The following CLASP1 variants were observed in gnomAD, a reference collection of about 807,000 sequenced individuals.
CLASP1 encodes the protein CLIP-associating protein 1.
A neutral mutation model predicts 192.3 loss-of-function variants in CLASP1; 38 were observed. That is an observed-to-expected ratio of 0.20 (90% CI 0.15 to 0.26). CLASP1 has a LOEUF of 0.26. CLASP1 is among the 10% of genes least tolerant of loss of function. The pLI is 1.00. For synonymous variants in CLASP1, 691 were observed against 712.8 expected (o/e 0.97, Z 0.49); for missense variants, 1,433 against 1,932.5 (o/e 0.74, Z 4.85).
At chr2:121,621,005 G>C (rs1400406990) in intron 1 of CLASP1, among the ~76,000 whole-genome samples, 1 of 152,122 alleles carries the variant, frequency 6.6e-6, no homozygotes, top group African/African-American at 2.4e-5. Flanking sequence ...GAGACGGGCA[G>C]ACTGCTTGAG....
chr2:121,604,135 C>T (rs1179637766), intron 2 of CLASP1, among the ~76,000 whole-genome samples: 1 of 152,180 alleles, frequency 6.6e-6, no homozygotes, highest in Non-Finnish European at 1.5e-5. Context: ...GACCTGATCA[C>T]TACAAATTAT....
intron 1 of CLASP1, among the ~76,000 whole-genome samples, chr2:121,629,850 A>G (rs1354957304): frequency 7.1e-6 from 1 of 141,422 alleles, no homozygotes; most frequent in Non-Finnish European, 1.5e-5. Flanking sequence ...TTTATAAAAT[A>G]AAAACTTTTT....
At chr2:121,454,905 A>C (rs2086294517) in intron 14 of CLASP1, among the ~76,000 whole-genome samples, 1 of 152,246 alleles carries the variant, frequency 6.6e-6, no homozygotes, top group Admixed American at 6.5e-5. Flanking sequence ...GCTTTCACTA[A>C]ATGTTTTACG....
chr2:121,530,937 C>G (rs115435830), intron 2 of CLASP1: 9 of 700,280 alleles, frequency 1.3e-5, no homozygotes, highest in African/African-American at 3.5e-5. Flanking sequence ...GAGGGCAGTA[C>G]TGCTAACGCC....
chr2:121,546,430 C>T (rs780901501), intron 2 of CLASP1, among the ~76,000 whole-genome samples: 28 of 151,674 alleles, frequency 1.8e-4, no homozygotes, highest in East Asian at 1.9e-4. Flanking sequence ...TCCAGGTACA[C>T]GCATTGGGAC....
At chr2:121,528,640 T>A in intron 4 of CLASP1, 37 bp downstream of exon 4, 1 of 1,564,796 alleles carries the variant, frequency 6.4e-7, no homozygotes, top group East Asian at 2.2e-5. Flanking sequence ...GCACGCGCAC[T>A]GGCCAGCTGA....
In CLASP1 at chr2:121,407,059, T is replaced by C. The variant is rs185659693; in HGVS notation, c.2669+412A>G. Among the ~76,000 whole-genome samples the C allele has an allele frequency of 2.2e-3, 328 of 151,870 alleles. 1 individual carries two copies. Among genetic ancestry groups the C allele is most frequent in the African/African-American group, 7.5e-3 (309 of 41,424 alleles). ...GGTGAAACCCTGTCTCTACTACAAATACAAAAATTAGCCAGGCGTGGTGGT... is the reference window on the plus strand; with the variant it reads ...GGTGAAACCCTGTCTCTACTACAAACACAAAAATTAGCCAGGCGTGGTGGT... On this transcript the variant is annotated intron_variant, in intron 25 of 39. Transcript: ENST00000263710.
chr2:121,556,079 G>C (rs2058539399), intron 2 of CLASP1, among the ~76,000 whole-genome samples: 1 of 135,046 alleles, frequency 7.4e-6, no homozygotes, highest in South Asian at 2.4e-4. Context: ...TGCCTCCCAG[G>C]TTCAAGCAAA....
intron 2 of CLASP1, among the ~76,000 whole-genome samples, chr2:121,601,535 G>A (rs1459813417): frequency 6.6e-6 from 1 of 152,156 alleles, no homozygotes; most frequent in Non-Finnish European, 1.5e-5. Flanking sequence ...CTCCCAAAGT[G>A]CTGGGATTAC....
At chr2:121,592,688 G>A (rs900669684) in intron 2 of CLASP1, among the ~76,000 whole-genome samples, 4 of 151,990 alleles carry the variant, frequency 2.6e-5, no homozygotes, top group Non-Finnish European at 5.9e-5. Flanking sequence ...GAGTCTCGCC[G>A]TCACCCAGGC....
chr2:121,445,588 A>C, intron 19 of CLASP1: 189 of 613,930 alleles, frequency 3.1e-4, no homozygotes, highest in Non-Finnish European at 4.7e-4. Flanking sequence ...ACAAATTCTC[A>C]CTAGGATTGT....
At chr2:121,534,631 G>A (rs748939856) in intron 2 of CLASP1, among the ~76,000 whole-genome samples, 97 of 151,658 alleles carry the variant, frequency 6.4e-4, no homozygotes, top group Non-Finnish European at 1.5e-4. Context: ...TCCGCCTCCC[G>A]GGTTCAAGAG....
At chr2:121,412,229 T>C (rs1390495091) in intron 23 of CLASP1, among the ~76,000 whole-genome samples, 2 of 152,312 alleles carry the variant, frequency 1.3e-5, no homozygotes, top group East Asian at 3.9e-4. Context: ...TGCTAATCAA[T>C]AGTTATACAG....
In CLASP1 at chr2:121,398,474, G is replaced by A. The variant is rs374260589; in HGVS notation, c.2901-74C>T. The A allele has an allele frequency of 2.9e-6, 3 of 1,027,066 alleles. No homozygotes were observed. In the African/African-American group the frequency reaches 4.8e-5, roughly 17 times the overall value. 63.6% of individuals were successfully genotyped at this position (1,027,066 alleles called of 1,614,324 possible). On this transcript the variant is annotated intron_variant, in intron 28 of 39. Coordinates refer to ENST00000263710, the Ensembl canonical transcript of CLASP1. ...AACAATGTAAAACTATTTAACAAAA[G>A]CATACCATTGTAAGTTAATGTATGT...
chr2:121,533,961 G>A (rs1312989396), intron 2 of CLASP1, among the ~76,000 whole-genome samples: 1 of 152,186 alleles, frequency 6.6e-6, no homozygotes, highest in Non-Finnish European at 1.5e-5. Flanking sequence ...TTTTGTAAAA[G>A]AGAGAAGAGG....
chr2:121,612,043 G>T (rs1005452045), intron 1 of CLASP1, among the ~76,000 whole-genome samples: 1 of 150,364 alleles, frequency 6.7e-6, no homozygotes, highest in African/African-American at 2.5e-5. Flanking sequence ...GGAAGAGGAG[G>T]AGTTACAGGA....
intron 30 of CLASP1, among the ~76,000 whole-genome samples, chr2:121,388,549 T>C (rs1275713205): frequency 1.3e-5 from 2 of 152,194 alleles, no homozygotes; most frequent in Non-Finnish European, 2.9e-5. Context: ...CAAGCCTGCT[T>C]GTAGTGATTG....
intron 23 of CLASP1, among the ~76,000 whole-genome samples, chr2:121,411,853 G>GTGTT (rs1306849107): frequency 1.3e-5 from 2 of 152,140 alleles, no homozygotes; most frequent in African/African-American, 4.8e-5. Context: ...TTCATTAAGT[G>GTGTT]TGTTGTACAT....
chr2:121,559,384 A>G (rs2058870230), intron 2 of CLASP1, among the ~76,000 whole-genome samples: 1 of 152,228 alleles, frequency 6.6e-6, no homozygotes, highest in South Asian at 2.1e-4. Flanking sequence ...CATCCACACA[A>G]AAACATGAAT....
Sources: allele counts gnomAD v4.1 joint callset (sites outside exome capture counted in the v4.1 genomes callset), GRCh38; gene constraint gnomAD v4.1.1; transcripts MANE v1.5; gene names NCBI Gene and HGNC (gene_info 2026-07-23, HGNC 2026-07-21).